NNMT: variants seen among roughly 807,000 people sequenced by gnomAD.
The protein encoded by NNMT is nicotinamide N-methyltransferase.
Under a neutral mutation model 11.7 loss-of-function variants are expected in NNMT, and 10 were observed. That is an observed-to-expected ratio of 0.85 (90% confidence interval 0.53 to 1.45). NNMT has a LOEUF of 1.45. Ranked by LOEUF, NNMT falls within the 40% of genes most tolerant of loss-of-function variation. The pLI is 0.00. For missense variants in NNMT, 381 were observed against 319.4 expected (o/e 1.19, Z -1.47); for synonymous variants, 143 against 133.8 (o/e 1.07, Z -0.48).
intron 2 of NNMT, among the ~76,000 whole-genome samples, chr11:114,279,369 T>C: frequency 6.6e-6 from 1 of 152,180 alleles, no homozygotes; most frequent in East Asian, 1.9e-4. Context: ...AGGGAGGGAT[T>C]AGTTCCTGCT....
upstream of NNMT, among the ~76,000 whole-genome samples, chr11:114,295,599 TA>T (rs1385306909): frequency 6.6e-6 from 1 of 151,544 alleles, no homozygotes; most frequent in African/African-American, 2.4e-5. Context: ...TAATTTTTTG[TA>T]TTTTTTTTTT....
At position 114,296,486 on chromosome 11, in the gene NNMT, C is replaced by T; in HGVS notation, c.-71C>T. 1.3e-6 allele frequency: 2 copies of T among 1,534,270 alleles called. No individual in the cohort carries two copies. The highest frequency in any genetic ancestry group is 1.8e-6 in the Non-Finnish European group (2 of 1,129,440). On this transcript the variant is annotated 5_prime_UTR_variant, in exon 1 of 3. Coordinates refer to ENST00000299964, the MANE Select transcript of NNMT (RefSeq NM_006169.3). Reference sequence around the variant, plus strand: ...CTGAGACTCAGGAAGACAACTTCTGCAGGGTCACTCCCTGGCTTCTGGAGG... The same window carrying T: ...CTGAGACTCAGGAAGACAACTTCTGTAGGGTCACTCCCTGGCTTCTGGAGG...
At chr11:114,264,768 G>A (rs1410359545) in intron 2 of NNMT, among the ~76,000 whole-genome samples, 2 of 152,204 alleles carry the variant, frequency 1.3e-5, no homozygotes, top group Non-Finnish European at 2.9e-5. Flanking sequence ...TGCTAGAGTG[G>A]TTCACTGAAC....
At chr11:114,263,320 CT>C (rs1339144280) in intron 2 of NNMT, among the ~76,000 whole-genome samples, 1 of 152,170 alleles carries the variant, frequency 6.6e-6, no homozygotes, top group Non-Finnish European at 1.5e-5. Context: ...TCTCTTTTCT[CT>C]TTTCTCCTAT....
intron 2 of NNMT, among the ~76,000 whole-genome samples, chr11:114,278,148 G>C (rs1223561344): frequency 6.6e-6 from 1 of 152,212 alleles, no homozygotes; most frequent in Non-Finnish European, 1.5e-5. Context: ...GTTAACATCT[G>C]CTCAGTTTCT....
intron 2 of NNMT, among the ~76,000 whole-genome samples, chr11:114,280,242 A>G (rs1398987480): frequency 6.6e-6 from 1 of 152,198 alleles, no homozygotes; most frequent in African/African-American, 2.4e-5. Context: ...CCCTAAAAGT[A>G]GAAAGAATGG....
chr11:114,288,942 A>C (rs1324971703), intron 2 of NNMT, among the ~76,000 whole-genome samples: 1 of 152,138 alleles, frequency 6.6e-6, no homozygotes, highest in African/African-American at 2.4e-5. Context: ...AGACTTATAA[A>C]GTTAGTTGAG....
chr11:114,266,408 C>T (rs578205066), intron 2 of NNMT, among the ~76,000 whole-genome samples: 90 of 152,314 alleles, frequency 5.9e-4, no homozygotes, highest in Non-Finnish European at 1.1e-3. Context: ...CCACTGTCTA[C>T]CTTTCTGACC....
In NNMT at chr11:114,296,523, G is replaced by T; in HGVS notation, c.-34G>T. On this transcript the variant is annotated 5_prime_UTR_variant, in exon 1 of 3. It adds an upstream start codon to the 5' untranslated region. Coordinates refer to ENST00000299964, the MANE Select transcript of NNMT (RefSeq NM_006169.3). ...CTGGCTTCTGGAGGAAAGAGAAGGA[G>T]GGCAGTGCTCCAGTGGTACAGAAGT... 6.2e-7 allele frequency: 1 copy of T among 1,605,890 alleles called. No homozygotes were observed. Among genetic ancestry groups the T allele is most frequent in the Non-Finnish European group, 8.5e-7 (1 of 1,175,758 alleles).
chr11:114,259,143 C>T (rs1173710231), intron 1 of NNMT, among the ~76,000 whole-genome samples: 2 of 152,158 alleles, frequency 1.3e-5, no homozygotes, highest in African/African-American at 4.8e-5. Flanking sequence ...TTCATGCTGC[C>T]TGGCACATGA....
At chr11:114,303,430 G>A (rs1945458268) in intron 2 of NNMT, among the ~76,000 whole-genome samples, 1 of 152,060 alleles carries the variant, frequency 6.6e-6, no homozygotes, top group Non-Finnish European at 1.5e-5. Flanking sequence ...TTTCTTTCAA[G>A]ATCAGTTTGG....
At chr11:114,294,924 C>T (rs528732403), upstream of NNMT, among the ~76,000 whole-genome samples, 9 of 152,308 alleles carry the variant, frequency 5.9e-5, no homozygotes, top group African/African-American at 2.2e-4. Flanking sequence ...CCCAAACATG[C>T]TTTACTGGAA....
chr11:114,294,537 G>A (rs1328140382), upstream of NNMT, among the ~76,000 whole-genome samples: 1 of 150,676 alleles, frequency 6.6e-6, no homozygotes, highest in Non-Finnish European at 1.5e-5. Flanking sequence ...TAGCACAACA[G>A]GGTGAATATA....
chr11:114,310,573 C>A (rs949801704), intron 2 of NNMT, among the ~76,000 whole-genome samples: 23 of 152,366 alleles, frequency 1.5e-4, no homozygotes, highest in South Asian at 2.1e-4. Flanking sequence ...CAGTGAAAGT[C>A]TCCCTCACTT....
chr11:114,282,293 C>A (rs573033835), intron 2 of NNMT, among the ~76,000 whole-genome samples: 1 of 152,208 alleles, frequency 6.6e-6, no homozygotes, highest in East Asian at 1.9e-4. Flanking sequence ...TAGATTCCTG[C>A]TTGATAATTA....
At chr11:114,266,552 C>T (rs1413527986) in intron 2 of NNMT, among the ~76,000 whole-genome samples, 1 of 151,790 alleles carries the variant, frequency 6.6e-6, no homozygotes, top group Non-Finnish European at 1.5e-5. Flanking sequence ...CCAGTCCCAC[C>T]CCATATCTTT....
At chr11:114,277,997 AC>A (rs1489751912) in intron 2 of NNMT, among the ~76,000 whole-genome samples, 2 of 152,038 alleles carry the variant, frequency 1.3e-5, no homozygotes, top group African/African-American at 4.8e-5. Context: ...CTTACCCTTT[AC>A]CCATTACTAA....
intron 2 of NNMT, among the ~76,000 whole-genome samples, chr11:114,304,719 G>T (rs566141103): frequency 6.6e-6 from 1 of 152,154 alleles, no homozygotes; most frequent in East Asian, 1.9e-4. Flanking sequence ...GTGCACACCC[G>T]TATTCCCAGC....
upstream of NNMT, chr11:114,295,678 C>T (rs1945369580): frequency 6.6e-6 from 1 of 152,274 alleles, no homozygotes; most frequent in Non-Finnish European, 1.5e-5. Flanking sequence ...ATCTGCCCGC[C>T]TTAGCCTCCC....
Sources: allele counts gnomAD v4.1 joint callset (sites outside exome capture counted in the v4.1 genomes callset), GRCh38; gene constraint gnomAD v4.1.1; transcripts MANE v1.5; gene names NCBI Gene and HGNC (gene_info 2026-07-23, HGNC 2026-07-21).